The following IMPACT variants were observed in gnomAD, a reference collection of about 807,000 sequenced individuals.
The protein encoded by IMPACT is impact RWD domain protein, also known as protein IMPACT.
In IMPACT, 35 loss-of-function variants were observed where a neutral mutation model predicts 47.5. The observed-to-expected ratio is 0.74, with a 90% CI of 0.56 to 0.98. IMPACT has a LOEUF of 0.98. Ranked by LOEUF, IMPACT falls within the 50% of genes least tolerant of loss-of-function variation. The pLI is 0.00. For synonymous variants in IMPACT, 118 were observed against 125.6 expected (o/e 0.94, Z 0.40); for missense variants, 373 against 394.8 (o/e 0.94, Z 0.47).
chr18:24,447,337 A>T (rs1387178989), intron 8 of IMPACT, among the ~76,000 whole-genome samples: 1 of 152,012 alleles, frequency 6.6e-6, no homozygotes, highest in African/African-American at 2.4e-5. Context: ...ACATGATACC[A>T]TTGGTAGGGC....
In IMPACT at chr18:24,429,976, G is replaced by A. The variant is rs112094683; in HGVS notation, c.219-346G>A. 3.3e-5 allele frequency among the ~76,000 whole-genome samples: 5 copies of A among 151,948 alleles called. 1 individual carries two copies. The highest frequency in any genetic ancestry group is 1.2e-4 in the African/African-American group (5 of 41,454). On this transcript the variant is annotated intron_variant, in intron 3 of 10. Coordinates refer to ENST00000284202, the MANE Select transcript of IMPACT (RefSeq NM_018439.4). ...GTATTTTTAGTAGAGACGGGGTTTC[G>A]CCATGTTAGCCAGGATGGTCTTGAT... is the stretch of plus-strand genomic sequence containing the variant.
intron 8 of IMPACT, among the ~76,000 whole-genome samples, chr18:24,446,244 T>C (rs1909247086): frequency 6.6e-6 from 1 of 152,116 alleles, no homozygotes; most frequent in East Asian, 1.9e-4. Flanking sequence ...TTTGTATTTT[T>C]TTGTAGTGAC....
intron 2 of IMPACT, among the ~76,000 whole-genome samples, chr18:24,428,571 G>A (rs1265875501): frequency 6.6e-6 from 1 of 152,128 alleles, no homozygotes; most frequent in African/African-American, 2.4e-5. Context: ...GCCAGTGTTT[G>A]TTTTTATAAT....
intron 3 of IMPACT, 139 bp downstream of exon 3, chr18:24,429,060 T>G (rs891663128): frequency 3.8e-6 from 2 of 532,946 alleles, no homozygotes; most frequent in Non-Finnish European, 6.5e-6. Context: ...GGGTTTGGTA[T>G]AGAGCATTTA....
intron 8 of IMPACT, among the ~76,000 whole-genome samples, chr18:24,447,747 C>T (rs1358476075): frequency 1.3e-5 from 2 of 151,976 alleles, no homozygotes; most frequent in African/African-American, 4.8e-5. Flanking sequence ...TGCTTTTATA[C>T]AGTATATTCT....
chr18:24,433,501 CTTT>C (rs34057767), intron 4 of IMPACT, among the ~76,000 whole-genome samples: 1 of 142,818 alleles, frequency 7.0e-6, no homozygotes, highest in Non-Finnish European at 1.5e-5. Context: ...GCCCGGCCAA[CTTT>C]TTTTTTTTTT....
intron 5 of IMPACT, among the ~76,000 whole-genome samples, chr18:24,438,258 CCTCAT>C (rs1908999382): frequency 6.6e-6 from 1 of 152,194 alleles, no homozygotes; most frequent in African/African-American, 2.4e-5. Context: ...CAGTATTCCT[CCTCAT>C]CTGAGATTTG....
At chr18:24,448,473 T>G (rs1909301696) in intron 9 of IMPACT, among the ~76,000 whole-genome samples, 1 of 152,192 alleles carries the variant, frequency 6.6e-6, no homozygotes, top group Non-Finnish European at 1.5e-5. Flanking sequence ...TTCCTTCTCT[T>G]TATTTTTTCT....
At chr18:24,428,495 C>T (rs1211755184) in intron 2 of IMPACT, among the ~76,000 whole-genome samples, 1 of 152,152 alleles carries the variant, frequency 6.6e-6, no homozygotes, top group Non-Finnish European at 1.5e-5. Flanking sequence ...TATGGCTTTT[C>T]TTAGTGCTTA....
At position 24,452,332 on chromosome 18, in the gene IMPACT, A is replaced by C. The variant is rs1264034260; in HGVS notation, c.*1485A>C. The C allele has an allele frequency of 6.6e-6, 1 of 152,170 alleles. No homozygotes were observed. Among genetic ancestry groups the C allele is most frequent in the African/African-American group, 2.4e-5 (1 of 41,444 alleles). 9.4% of individuals were successfully genotyped at this position (152,170 alleles called of 1,614,324 possible). The stretch of plus-strand genomic sequence containing the variant: ...TGTTATCAGGAGCCATCAGAGAATG[A>C]CCTTTTTGTGTTTGGAACACTTGGT... On this transcript the variant is annotated 3_prime_UTR_variant, in exon 11 of 11. Transcript: ENST00000284202.
intron 2 of IMPACT, among the ~76,000 whole-genome samples, 181 bp from the exon 3 acceptor site, chr18:24,428,688 A>G (rs1002728500): frequency 1.3e-5 from 2 of 152,352 alleles, no homozygotes; most frequent in Admixed American, 6.5e-5. Context: ...AAAAGTACCC[A>G]GAAAATATTA....
intron 6 of IMPACT, among the ~76,000 whole-genome samples, chr18:24,441,330 T>A (rs1909105941): frequency 6.6e-6 from 1 of 152,196 alleles, no homozygotes; most frequent in Admixed American, 6.5e-5. Context: ...GTATCTGGGA[T>A]TACTGGCACA....
chr18:24,429,804 G>C (rs1157715254), intron 3 of IMPACT, among the ~76,000 whole-genome samples: 2 of 148,066 alleles, frequency 1.4e-5, no homozygotes. Context: ...TTTTGAGACA[G>C]AGTCCTGCTC....
At chr18:24,426,965 C>T (rs1908624949) in intron 1 of IMPACT, 173 bp downstream of exon 1, 2 of 444,632 alleles carry the variant, frequency 4.5e-6, no homozygotes, top group Middle Eastern at 5.6e-4. Flanking sequence ...GTCGGCCGAG[C>T]GCTCTTAGGC....
chr18:24,427,112 T>A (rs1046410183), intron 1 of IMPACT: 2 of 320,960 alleles, frequency 6.2e-6, no homozygotes, highest in African/African-American at 2.1e-5. Flanking sequence ...CCGAGTCATC[T>A]TGGACAAATC....
rs1308289097 is a variant in IMPACT at position 24,428,001 on chromosome 18, G to A, written c.119G>A (p.Arg40Lys). 1 of 1,600,498 alleles carries A rather than the reference G, an allele frequency of 6.2e-7. No individual in the cohort carries two copies. Among genetic ancestry groups the A allele is most frequent in the South Asian group, 1.1e-5 (1 of 87,958 alleles). ...GACTGTGCCAAAATATTTTGTATTA[G>A]AATTAGCGACGATATAGATGACCCC... The part of the protein sequence containing the change: ...IDDCAKIFCI[R>K]ISDDIDDPKW... Residue 40 changes from arginine (R) to lysine (K), a missense_variant, in exon 2 of 11, where the codon AGA becomes AAA. Coordinates refer to ENST00000284202, the MANE Select transcript of IMPACT (RefSeq NM_018439.4).
rs550291278 is a variant in IMPACT at position 24,433,923 on chromosome 18, G to A, written c.281+3539G>A. Among the ~76,000 whole-genome samples, 14 of 151,848 alleles carry A rather than the reference G, an allele frequency of 9.2e-5. No individual in the cohort carries two copies. In the South Asian group the frequency reaches 2.7e-3, roughly 29 times the overall value. The stretch of plus-strand genomic sequence containing the variant: ...TGACCTCAAGTGATCCGCCTGCCTC[G>A]GCCTCCCAAAGTGCTGGGATTACAG... On this transcript the variant is annotated intron_variant, in intron 4 of 10. Transcript: ENST00000284202.
At chr18:24,446,375 T>C (rs1264540364) in intron 8 of IMPACT, among the ~76,000 whole-genome samples, 1 of 152,228 alleles carries the variant, frequency 6.6e-6, no homozygotes, top group Non-Finnish European at 1.5e-5. Flanking sequence ...AAAACCAATT[T>C]ATGCTCCTGT....
chr18:24,433,914 G>C (rs953163618), intron 4 of IMPACT, among the ~76,000 whole-genome samples: 8 of 150,638 alleles, frequency 5.3e-5, no homozygotes, highest in Non-Finnish European at 4.4e-5. Flanking sequence ...CAAGTGATCC[G>C]CCTGCCTCGG....
Sources: gnomAD v4.1 joint callset for allele counts (sites outside exome capture counted in the v4.1 genomes callset) on GRCh38, gnomAD v4.1.1 for gene constraint, MANE v1.5 for transcripts, NCBI Gene and HGNC (gene_info 2026-07-23, HGNC 2026-07-21) for gene names.